The following SELENOF variants were observed in gnomAD, a reference collection of about 807,000 sequenced individuals.
SELENOF encodes the protein selenoprotein F.
Under a neutral mutation model 20.5 loss-of-function variants are expected in SELENOF, and 16 were observed. That is an observed-to-expected ratio of 0.78 (90% confidence interval 0.53 to 1.19). The LOEUF (loss-of-function observed/expected upper bound fraction) is 1.19, where lower values mean the gene tolerates loss of function less well. SELENOF is among the 50% of genes most tolerant of loss of function. The pLI is 0.00. For missense variants in SELENOF, 215 were observed against 194.2 expected (o/e 1.11, Z -0.64); for synonymous variants, 78 against 74.5 (o/e 1.05, Z -0.24).
intron 3 of SELENOF, among the ~76,000 whole-genome samples, chr1:86,873,679 C>A (rs1658845816): frequency 6.6e-6 from 1 of 151,748 alleles, no homozygotes; most frequent in African/African-American, 2.4e-5. Flanking sequence ...GGAGAAACCC[C>A]ATCTCTACAA....
At chr1:86,903,755 C>T (rs1280373974) in intron 1 of SELENOF, among the ~76,000 whole-genome samples, 1 of 152,172 alleles carries the variant, frequency 6.6e-6, no homozygotes, top group African/African-American at 2.4e-5. Context: ...CCACCACGCC[C>T]AGCTAATTTT....
intron 4 of SELENOF, among the ~76,000 whole-genome samples, chr1:86,865,329 A>G (rs183679173): frequency 2.4e-4 from 36 of 152,340 alleles, no homozygotes; most frequent in Middle Eastern, 3.4e-3. Flanking sequence ...TGAAACAATG[A>G]ACAGAATGAA....
intron 1 of SELENOF, among the ~76,000 whole-genome samples, chr1:86,905,026 T>C (rs1195214017): frequency 6.6e-6 from 1 of 152,216 alleles, no homozygotes; most frequent in Non-Finnish European, 1.5e-5. Context: ...GAATATGCAT[T>C]GCAAGTTCAA....
chr1:86,868,175 G>T, intron 3 of SELENOF, 73 bp from the exon 4 acceptor site: 1 of 729,934 alleles, frequency 1.4e-6, no homozygotes, highest in Non-Finnish European at 2.3e-6. Context: ...TAATATAAAA[G>T]TGGAAATAAA....
chr1:86,867,251 G>A (rs1226001119), intron 4 of SELENOF, among the ~76,000 whole-genome samples: 2 of 152,080 alleles, frequency 1.3e-5, no homozygotes, highest in Non-Finnish European at 2.9e-5. Context: ...AGCACTTTGG[G>A]AGGCTGGGGC....
chr1:86,910,714 A>AG (rs1201378511), intron 1 of SELENOF, among the ~76,000 whole-genome samples: 2 of 151,170 alleles, frequency 1.3e-5, no homozygotes, highest in Non-Finnish European at 3.0e-5. Context: ...AAAAAAAAAA[A>AG]AAAAAAAGGT....
intron 2 of SELENOF, among the ~76,000 whole-genome samples, chr1:86,892,720 A>G (rs757662045): frequency 2.8e-4 from 43 of 152,212 alleles, no homozygotes; most frequent in Non-Finnish European, 5.7e-4. Context: ...TTTATATAAA[A>G]TATTATCTGG....
Position 86,899,396 on chromosome 1 carries a change from C to T in SELENOF, c.252+3885G>A, listed in dbSNP as rs1215711556. Among the ~76,000 whole-genome samples the T allele has an allele frequency of 5.5e-5, 7 of 127,856 alleles. No homozygotes were observed. In the East Asian group the frequency reaches 6.1e-4, roughly 11 times the overall value. 83.9% of individuals were successfully genotyped at this position (127,856 alleles called of 152,430 possible). On this transcript the variant is annotated intron_variant, in intron 2 of 4. Transcript: ENST00000331835. ...GGCGCCCCTCACCTCCCGGACGGGA[C>T]GGCTGGCCGGGCAGGGGGCCGACCC...
intron 1 of SELENOF, among the ~76,000 whole-genome samples, chr1:86,904,603 T>C (rs1659783557): frequency 6.6e-6 from 1 of 152,230 alleles, no homozygotes; most frequent in African/African-American, 2.4e-5. Flanking sequence ...AGCCCTATGG[T>C]CCTAACTGCT....
At chr1:86,880,008 C>T (rs1408783567) in intron 3 of SELENOF, among the ~76,000 whole-genome samples, 1 of 151,408 alleles carries the variant, frequency 6.6e-6, no homozygotes, top group Admixed American at 6.6e-5. Context: ...AAATAAACTA[C>T]AGCGGTGTGC....
intron 2 of SELENOF, among the ~76,000 whole-genome samples, chr1:86,882,892 G>A (rs1247394007): frequency 1.3e-5 from 2 of 152,140 alleles, no homozygotes; most frequent in East Asian, 1.9e-4. Flanking sequence ...TTGGGACGCC[G>A]AGGTGGGCGG....
At chr1:86,897,558 A>G (rs527339501) in intron 2 of SELENOF, among the ~76,000 whole-genome samples, 2 of 152,270 alleles carry the variant, frequency 1.3e-5, no homozygotes, top group African/African-American at 4.8e-5. Context: ...TAAAATATCT[A>G]GGGGACTGCT....
intron 3 of SELENOF, among the ~76,000 whole-genome samples, chr1:86,874,449 A>C (rs1658872919): frequency 6.6e-6 from 1 of 152,236 alleles, no homozygotes; most frequent in Non-Finnish European, 1.5e-5. Context: ...AGGACTTAGC[A>C]AGTCATTCAT....
At chr1:86,912,874 C>T (rs1266510500) in intron 1 of SELENOF, among the ~76,000 whole-genome samples, 2 of 151,982 alleles carry the variant, frequency 1.3e-5, no homozygotes, top group Non-Finnish European at 2.9e-5. Context: ...GGCGGTTACA[C>T]AGCTATAGAC....
intron 2 of SELENOF, among the ~76,000 whole-genome samples, chr1:86,894,747 G>A (rs1246307247): frequency 1.3e-5 from 2 of 152,166 alleles, no homozygotes; most frequent in African/African-American, 4.8e-5. Flanking sequence ...TGAGGCAGAA[G>A]CATCACCTGA....
intron 3 of SELENOF, among the ~76,000 whole-genome samples, chr1:86,868,891 G>A (rs577338907): frequency 2.0e-5 from 3 of 151,968 alleles, no homozygotes; most frequent in Non-Finnish European, 4.4e-5. Flanking sequence ...ATAAACTGAA[G>A]AAAATTATCT....
intron 4 of SELENOF, among the ~76,000 whole-genome samples, chr1:86,863,960 ATTACT>A (rs958262014): frequency 8.5e-5 from 13 of 152,186 alleles, no homozygotes; most frequent in African/African-American, 2.9e-4. Flanking sequence ...AGCAAGTGAA[ATTACT>A]TTACTTTTAA....
At chr1:86,891,924 ATTAT>A (rs1659391953) in intron 2 of SELENOF, among the ~76,000 whole-genome samples, 1 of 142,772 alleles carries the variant, frequency 7.0e-6, no homozygotes, top group African/African-American at 2.9e-5. Flanking sequence ...CATTTATGTT[ATTAT>A]TTAGTTTTTT....
intron 1 of SELENOF, among the ~76,000 whole-genome samples, chr1:86,908,466 A>G (rs1469215851): frequency 6.6e-6 from 1 of 152,240 alleles, no homozygotes; most frequent in African/African-American, 2.4e-5. Flanking sequence ...AGGATAGTTA[A>G]GGTAATTTGT....
Sources: gnomAD v4.1 joint callset for allele counts (sites outside exome capture counted in the v4.1 genomes callset) on GRCh38, gnomAD v4.1.1 for gene constraint, MANE v1.5 for transcripts, NCBI Gene and HGNC (gene_info 2026-07-23, HGNC 2026-07-21) for gene names.